ERBB4: variants seen among roughly 807,000 people sequenced by gnomAD.
The protein encoded by ERBB4 is receptor tyrosine-protein kinase erbB-4.
Under a neutral mutation model 158.0 loss-of-function variants are expected in ERBB4, and 42 were observed. That is an observed-to-expected ratio of 0.27 (90% CI 0.21 to 0.34). The LOEUF is 0.34. ERBB4 is among the 10% of genes least tolerant of loss of function. ERBB4 has a pLI of 1.00. For missense variants in ERBB4, 1,333 were observed against 1,624.1 expected, an observed-to-expected ratio of 0.82 and a Z score of 3.08; for synonymous variants, 583 against 558.7, an observed-to-expected ratio of 1.04 and a Z score of -0.61.
At chr2:211,495,533 T>A (rs991897753) in intron 20 of ERBB4, among the ~76,000 whole-genome samples, 3 of 152,084 alleles carry the variant, frequency 2.0e-5, no homozygotes, top group Non-Finnish European at 2.9e-5. Flanking sequence ...CAATTCACCA[T>A]CTGTCTAAAT....
intron 2 of ERBB4, among the ~76,000 whole-genome samples, chr2:212,089,856 G>A (rs1009384143): frequency 6.6e-6 from 1 of 152,140 alleles, no homozygotes; most frequent in Non-Finnish European, 1.5e-5. Flanking sequence ...TATAATAGGT[G>A]AATCTTATGT....
intron 22 of ERBB4, among the ~76,000 whole-genome samples, chr2:211,427,919 A>G (rs929477443): frequency 2.7e-5 from 4 of 148,320 alleles, no homozygotes; most frequent in African/African-American, 5.0e-5. Context: ...AAATATTAGT[A>G]TATTACATTG....
intron 1 of ERBB4, among the ~76,000 whole-genome samples, chr2:212,412,247 A>G (rs1309640520): frequency 1.3e-5 from 2 of 152,072 alleles, no homozygotes; most frequent in Admixed American, 1.3e-4. Flanking sequence ...TCTCTCTGTG[A>G]TATGGTTTGG....
chr2:212,039,707 A>G (rs1279315176), intron 2 of ERBB4, among the ~76,000 whole-genome samples: 1 of 152,138 alleles, frequency 6.6e-6, no homozygotes, highest in African/African-American at 2.4e-5. Flanking sequence ...CACAGAAATT[A>G]TGATTACCTC....
In ERBB4 at chr2:211,881,351, T is replaced by C. The variant is rs534039607; in HGVS notation, c.421+66079A>G. Among the ~76,000 whole-genome samples the C allele has an allele frequency of 4.6e-5, 7 of 152,130 alleles. No homozygotes were observed. In the South Asian group the frequency reaches 1.5e-3, roughly 32 times the overall value. ...TTTTAACAAAAAGCAGTCCAAGAAA[T>C]TATTTTTTTGCTAACAAAGAGCAGC... On this transcript the variant is annotated intron_variant, in intron 3 of 27. Coordinates refer to ENST00000342788, the MANE Select transcript of ERBB4 (RefSeq NM_005235.3).
At chr2:211,966,803 C>T (rs1051393783) in intron 2 of ERBB4, among the ~76,000 whole-genome samples, 3 of 152,024 alleles carry the variant, frequency 2.0e-5, no homozygotes, top group Non-Finnish European at 4.4e-5. Context: ...AACTTTATTA[C>T]ATTATTATAG....
chr2:211,654,945 A>G (rs977400619), intron 16 of ERBB4, among the ~76,000 whole-genome samples: 1 of 152,216 alleles, frequency 6.6e-6, no homozygotes, highest in Non-Finnish European at 1.5e-5. Flanking sequence ...CTCAGAGTGA[A>G]TATGTCCTGG....
intron 1 of ERBB4, among the ~76,000 whole-genome samples, chr2:212,179,397 A>G (rs2081782781): frequency 6.6e-6 from 1 of 150,702 alleles, no homozygotes; most frequent in Non-Finnish European, 1.5e-5. Context: ...AACAAATAGT[A>G]AAGAATAGGC....
At chr2:212,263,023 C>G (rs1471132034) in intron 1 of ERBB4, among the ~76,000 whole-genome samples, 1 of 151,954 alleles carries the variant, frequency 6.6e-6, no homozygotes, top group Non-Finnish European at 1.5e-5. Flanking sequence ...CATGATAAGA[C>G]CACAGTGAAT....
chr2:212,001,974 C>T (rs2076116082), intron 2 of ERBB4, among the ~76,000 whole-genome samples: 1 of 152,080 alleles, frequency 6.6e-6, no homozygotes, highest in Non-Finnish European at 1.5e-5. Context: ...TGAGAATTTT[C>T]CACTTATAAT....
At chr2:211,718,080 T>A (rs2073980193) in intron 7 of ERBB4, among the ~76,000 whole-genome samples, 1 of 152,022 alleles carries the variant, frequency 6.6e-6, no homozygotes, top group Non-Finnish European at 1.5e-5. Flanking sequence ...ACCGGATAAT[T>A]TTTGTATTTT....
intron 12 of ERBB4, among the ~76,000 whole-genome samples, chr2:211,681,796 T>C (rs1374182519): frequency 6.6e-6 from 1 of 152,162 alleles, no homozygotes; most frequent in African/African-American, 2.4e-5. Context: ...ATTCTTTTAA[T>C]ACTGTCTTTT....
intron 2 of ERBB4, among the ~76,000 whole-genome samples, chr2:211,980,240 C>G (rs780616976): frequency 3.3e-5 from 5 of 152,260 alleles, no homozygotes; most frequent in East Asian, 1.9e-4. Context: ...TTAAGAAATA[C>G]ACTTGTGCAA....
At chr2:211,626,032 A>AT (rs1332024449) in intron 17 of ERBB4, among the ~76,000 whole-genome samples, 1 of 152,170 alleles carries the variant, frequency 6.6e-6, no homozygotes, top group African/African-American at 2.4e-5. Context: ...GGAGGTTTAT[A>AT]TGACAGTGTT....
intron 1 of ERBB4, among the ~76,000 whole-genome samples, chr2:212,250,981 G>A (rs1051681701): frequency 3.3e-5 from 5 of 151,946 alleles, no homozygotes; most frequent in Admixed American, 6.6e-5. Context: ...ACAAGGGGAA[G>A]TTTTAAAACT....
intron 20 of ERBB4, among the ~76,000 whole-genome samples, chr2:211,545,107 G>C (rs1446848805): frequency 1.3e-5 from 2 of 152,054 alleles, no homozygotes; most frequent in African/African-American, 4.8e-5. Flanking sequence ...AGTAGAAACT[G>C]AGTCATTTCA....
At chr2:211,694,429 C>A (rs568904663) in intron 12 of ERBB4, among the ~76,000 whole-genome samples, 84 of 152,224 alleles carry the variant, frequency 5.5e-4, no homozygotes, top group African/African-American at 1.9e-3. Context: ...GAAGGGATAT[C>A]ATTTCTGTAG....
chr2:211,927,237 A>G (rs1230342347), intron 3 of ERBB4, among the ~76,000 whole-genome samples: 3 of 152,208 alleles, frequency 2.0e-5, no homozygotes, highest in African/African-American at 7.2e-5. Context: ...AGGTGAAGAT[A>G]GTGACTTATT....
At chr2:211,424,105 A>T (rs1173296638) in intron 23 of ERBB4, 50 bp downstream of exon 23, 1 of 1,545,342 alleles carries the variant, frequency 6.5e-7, no homozygotes, top group African/African-American at 1.4e-5. Flanking sequence ...AATCTCTGCT[A>T]TTACTTTACT....
Sources: gnomAD v4.1 joint callset for allele counts (sites outside exome capture counted in the v4.1 genomes callset) on GRCh38, gnomAD v4.1.1 for gene constraint, MANE v1.5 for transcripts, NCBI Gene and HGNC (gene_info 2026-07-23, HGNC 2026-07-21) for gene names.